Variants in CDH8 observed in about 807,000 individuals in gnomAD.
CDH8 encodes cadherin-8.
In CDH8, 17 loss-of-function variants were observed where a neutral mutation model predicts 68.1. The observed-to-expected ratio is 0.25, with a 90% CI of 0.17 to 0.37. The LOEUF (loss-of-function observed/expected upper bound fraction) is 0.37, where lower values mean the gene tolerates loss of function less well. CDH8 is among the 10% of genes least tolerant of loss of function. CDH8 has a pLI of 1.00. For synonymous variants in CDH8, 372 were observed against 365.1 expected (o/e 1.02, Z -0.21); for missense variants, 763 against 999.3 (o/e 0.76, Z 3.19).
intron 7 of CDH8, among the ~76,000 whole-genome samples, chr16:61,797,850 T>G (rs1961533513): frequency 6.6e-6 from 1 of 152,176 alleles, no homozygotes; most frequent in Non-Finnish European, 1.5e-5. Context: ...TCAATGTATC[T>G]TTACATTATT....
intron 1 of CDH8, among the ~76,000 whole-genome samples, chr16:62,028,861 C>A (rs1902258979): frequency 6.6e-6 from 1 of 152,132 alleles, no homozygotes; most frequent in Admixed American, 6.5e-5. Flanking sequence ...ACGCCCTTTG[C>A]AGTCTTTAGA....
intron 4 of CDH8, among the ~76,000 whole-genome samples, chr16:61,854,003 CATATGT>C (rs1299010732): frequency 6.6e-6 from 1 of 151,440 alleles, no homozygotes; most frequent in Non-Finnish European, 1.5e-5. Flanking sequence ...TATGTATATA[CATATGT>C]ATGTGTGTAT....
At chr16:61,908,179 T>G (rs911908848) in intron 2 of CDH8, among the ~76,000 whole-genome samples, 3 of 152,186 alleles carry the variant, frequency 2.0e-5, no homozygotes, top group African/African-American at 7.2e-5. Flanking sequence ...AAATTACATC[T>G]TAGCATTATT....
intron 4 of CDH8, among the ~76,000 whole-genome samples, chr16:61,839,924 T>C (rs953764351): frequency 5.3e-5 from 8 of 152,140 alleles, no homozygotes; most frequent in African/African-American, 1.9e-4. Context: ...ATAACAATTA[T>C]CACACCAAAT....
Position 61,653,919 on chromosome 16 carries a change from G to T in CDH8, c.2089C>A (p.Arg697Ser). Reference sequence around the variant, plus strand: ...TGCAAATCTGGTTTAATATCCTTACGGGGTAAAAATCCATTAATTCCATCT... The same window carrying T: ...TGCAAATCTGGTTTAATATCCTTACTGGGTAAAAATCCATTAATTCCATCT... The part of the protein sequence containing the change: ...NPDGINGFLP[R>S]KDIKPDLQFM... The change falls in exon 12 of 12, where the codon CGT (arginine) becomes AGT (serine). Residue 697 changes from arginine to serine, a missense_variant. Transcript: ENST00000577390. 6.2e-7 allele frequency: 1 copy of T among 1,614,112 alleles called. No homozygotes were observed. The highest frequency in any genetic ancestry group is 8.5e-7 in the Non-Finnish European group (1 of 1,180,012).
Position 61,653,274 on chromosome 16 carries a change from T to C in CDH8, c.*334A>G. 2 of 1,170,750 alleles carry C rather than the reference T, an allele frequency of 1.7e-6. No homozygotes were observed. Among genetic ancestry groups the C allele is most frequent in the Non-Finnish European group, 2.1e-6 (2 of 951,700 alleles). The allele number at this position is 1,170,750 out of a possible 1,614,324, so 72.5% of individuals were successfully genotyped here. On this transcript the variant is annotated 3_prime_UTR_variant, in exon 12 of 12. Coordinates refer to ENST00000577390, the MANE Select transcript of CDH8 (RefSeq NM_001796.5). The stretch of plus-strand genomic sequence containing the variant: ...ATTTTTTTTTCTAAGAAAGCACCTT[T>C]TAATTATGATTTTTTCCTCTATTTA...
intron 2 of CDH8, among the ~76,000 whole-genome samples, chr16:61,913,740 T>C (rs1200099387): frequency 6.6e-6 from 1 of 152,112 alleles, no homozygotes; most frequent in African/African-American, 2.4e-5. Context: ...CTCTCACTAT[T>C]TCACACTAAA....
rs866206010 is a variant in CDH8 at position 61,884,291 on chromosome 16, A to G, written c.547+16888T>C. ...CTTCCTCCTCCTTCTCAGCCTACTC[A>G]ACATGAAGATAATGAGGATGAAGCA... is the stretch of plus-strand genomic sequence containing the variant. On this transcript the variant is annotated intron_variant, in intron 3 of 11. Transcript: ENST00000577390. 5.9e-5 allele frequency among the ~76,000 whole-genome samples: 9 copies of G among 152,250 alleles called. No individual in the cohort carries two copies. The South Asian group carries it at 1.7e-3, about 28-fold the overall frequency.
chr16:61,926,364 A>G (rs1964457099), intron 2 of CDH8, among the ~76,000 whole-genome samples: 1 of 152,108 alleles, frequency 6.6e-6, no homozygotes, highest in Non-Finnish European at 1.5e-5. Flanking sequence ...CAGCCCATTA[A>G]TCTCCAATAC....
At chr16:61,693,315 A>G (rs567768116) in intron 10 of CDH8, 2 of 152,256 alleles carry the variant, frequency 1.3e-5, no homozygotes, top group African/African-American at 2.4e-5. Context: ...TTTTGTACAG[A>G]GAAGGTTTTG....
chr16:61,737,777 C>T (rs1959740321), intron 8 of CDH8, among the ~76,000 whole-genome samples: 1 of 152,014 alleles, frequency 6.6e-6, no homozygotes, highest in South Asian at 2.1e-4. Flanking sequence ...TCTGTTATGG[C>T]AACTGTATTC....
intron 7 of CDH8, among the ~76,000 whole-genome samples, chr16:61,797,937 T>C (rs1011401290): frequency 1.3e-5 from 2 of 152,180 alleles, no homozygotes; most frequent in African/African-American, 2.4e-5. Context: ...TGTGTTTGTG[T>C]TGTTTTAAAG....
chr16:61,868,487 A>T (rs1567507442), intron 3 of CDH8, among the ~76,000 whole-genome samples: 1 of 152,282 alleles, frequency 6.6e-6, no homozygotes, highest in East Asian at 1.9e-4. Flanking sequence ...CTCTACTCTT[A>T]AAAGGGTAGT....
Position 61,782,403 on chromosome 16 carries a change from C to T in CDH8, c.1414+6943G>A, listed in dbSNP as rs553683555. ...GACCGGCTTAAAAAACGGCGCACCA[C>T]GAGACTATATCCCACACCTGGCTCG... On this transcript the variant is annotated intron_variant, in intron 8 of 11. Transcript: ENST00000577390. Among the ~76,000 whole-genome samples the T allele has an allele frequency of 5.6e-3, 851 of 152,040 alleles. 5 individuals carry two copies. Among genetic ancestry groups the T allele is most frequent in the African/African-American group, 0.02 (817 of 41,520 alleles).
chr16:61,841,927 G>A (rs1274367810), intron 4 of CDH8, among the ~76,000 whole-genome samples: 6 of 152,112 alleles, frequency 3.9e-5, no homozygotes, highest in South Asian at 4.2e-4. Context: ...TTGCTCTGTC[G>A]CCCAGGCTGG....
intron 8 of CDH8, among the ~76,000 whole-genome samples, chr16:61,768,361 T>TCTCTCTCC (rs1960671367): frequency 2.8e-5 from 3 of 106,784 alleles, no homozygotes; most frequent in African/African-American, 1.3e-4. Context: ...TCTCTCTCTC[T>TCTCTCTCC]CTCTCTCCCT....
intron 2 of CDH8, among the ~76,000 whole-genome samples, chr16:61,992,077 T>TGTGTGTGTGTGTGTGTGTGTGTGTGA: frequency 6.9e-6 from 1 of 144,246 alleles, no homozygotes; most frequent in African/African-American, 2.6e-5. Context: ...TGTGTGTGTG[T>TGTGTGTGTGTGTGTGTGTGTGTGTGA]GAGAGAGAGA....
At chr16:61,743,432 A>T (rs1959931406) in intron 8 of CDH8, 1 of 155,562 alleles carries the variant, frequency 6.4e-6, no homozygotes, top group East Asian at 1.9e-4. Flanking sequence ...CAACCCTGGC[A>T]ATCAGTGGGG....
At chr16:62,012,568 T>C (rs1044483089) in intron 2 of CDH8, among the ~76,000 whole-genome samples, 1 of 152,204 alleles carries the variant, frequency 6.6e-6, no homozygotes, top group East Asian at 1.9e-4. Context: ...ATGGATGGCA[T>C]TGATGTTAAG....
Sources: gnomAD v4.1 joint callset for allele counts (sites outside exome capture counted in the v4.1 genomes callset) on GRCh38, gnomAD v4.1.1 for gene constraint, MANE v1.5 for transcripts, NCBI Gene and HGNC (gene_info 2026-07-23, HGNC 2026-07-21) for gene names.